ABL1: variants seen among roughly 807,000 people sequenced by gnomAD.
ABL1 encodes the protein tyrosine-protein kinase ABL1.
A neutral mutation model predicts 94.7 loss-of-function variants in ABL1; 11 were observed. The ratio of observed to expected loss-of-function variants is 0.12; its 90% CI spans 0.07 to 0.19. ABL1 has a LOEUF of 0.19. Among genes scored for constraint, ABL1 ranks in the 10% least tolerant of loss-of-function variants. ABL1 has a pLI of 1.00. For synonymous variants in ABL1, 656 were observed against 622.4 expected, an observed-to-expected ratio of 1.05 and a Z score of -0.80; for missense variants, 1,082 against 1,489.4, an observed-to-expected ratio of 0.73 and a Z score of 4.50.
At position 130,790,616 on chromosome 9, in the gene ABL1, A is replaced by G. The variant is rs151167330; in HGVS notation, c.137-63448A>G. ...CTCCTGAGTAGTTGGGACTACATTA[A>G]TTACCACACCTAGTATTTTTTTTTT... On this transcript the variant is annotated intron_variant, in intron 1 of 10. Transcript: ENST00000372348. 5.0e-3 allele frequency among the ~76,000 whole-genome samples: 762 copies of G among 151,684 alleles called. 21 individuals are homozygous for G. The East Asian group carries it at 0.075, about 15-fold the overall frequency.
In ABL1 at chr9:130,873,252, C is replaced by G. The variant is rs567308761; in HGVS notation, c.1085+215C>G. Among the ~76,000 whole-genome samples the G allele has an allele frequency of 4.8e-4, 73 of 152,370 alleles. No homozygotes were observed. The South Asian group carries it at 5.2e-3, about 11-fold the overall frequency. On this transcript the variant is annotated intron_variant, in intron 6 of 10. Transcript: ENST00000318560. ...GGCTAAATTCAGCCAGGCCTAGACT[C>G]TGGACCAGTGGAGCAGCTAATCCCC...
At chr9:130,791,969 G>A (rs1012870490) in intron 1 of ABL1, among the ~76,000 whole-genome samples, 1 of 152,052 alleles carries the variant, frequency 6.6e-6, no homozygotes, top group Admixed American at 6.6e-5. Context: ...CAAGAAGAAG[G>A]GAAATGACAC....
chr9:130,814,731 T>C lies in ABL1; in HGVS notation c.137-39333T>C, dbSNP rs1277020019. Among the ~76,000 whole-genome samples, 1 of 151,604 alleles carries C rather than the reference T, an allele frequency of 6.6e-6. No individual in the cohort carries two copies. The highest frequency in any genetic ancestry group is 2.1e-4 in the South Asian group (1 of 4,772). On this transcript the variant is annotated intron_variant, in intron 1 of 10. Transcript: ENST00000372348. This position sits in a 1 kb window ranked among gnomAD's most constrained non-coding sequence, Gnocchi z 4.4. ...TCTCCACTAAAAATACAAAAAATTC[T>C]CCGGGCGTGGTGGCGGGCGCCTGTA...
rs1352462700 is a variant in ABL1, at chr9:130,859,680, T to C, written c.550-3083T>C. 3.1e-4 allele frequency among the ~76,000 whole-genome samples: 30 copies of C among 96,556 alleles called. 5 individuals are homozygous for C. The highest frequency in any genetic ancestry group is 1.1e-3 in the African/African-American group (20 of 17,810). The allele number at this position is 96,556 out of a possible 152,430, so 63.3% of individuals were successfully genotyped here. On this transcript the variant is annotated intron_variant, in intron 3 of 10. Coordinates refer to ENST00000318560, the MANE Select transcript of ABL1 (RefSeq NM_005157.6). ...CGCTGTTTCTTTTCTTTCTTTCCTT[T>C]TTTTTTTTTTTTTTTTTTTTTTTTT... is the stretch of plus-strand genomic sequence containing the variant.
chr9:130,848,861 C>T (rs1028260173), intron 1 of ABL1, among the ~76,000 whole-genome samples: 2 of 152,114 alleles, frequency 1.3e-5, no homozygotes, highest in Non-Finnish European at 2.9e-5. Flanking sequence ...ATTGCTTGAA[C>T]CCGGAAGGTG....
intron 1 of ABL1, among the ~76,000 whole-genome samples, chr9:130,811,555 C>A (rs1830207768): frequency 6.6e-6 from 1 of 151,922 alleles, no homozygotes; most frequent in Admixed American, 6.6e-5. Flanking sequence ...TGTATAATGT[C>A]AATTGAAGGT....
chr9:130,786,545 G>A (rs1436463731), intron 1 of ABL1, among the ~76,000 whole-genome samples: 1 of 152,074 alleles, frequency 6.6e-6, no homozygotes, highest in East Asian at 1.9e-4. Context: ...TCTCCTGACT[G>A]GTACATCACC....
Position 130,863,912 on chromosome 9 carries a change from T to C in ABL1, c.822+877T>C, listed in dbSNP as rs1246717802. 1.3e-5 allele frequency among the ~76,000 whole-genome samples: 2 copies of C among 152,154 alleles called. No homozygotes were observed. Among genetic ancestry groups the C allele is most frequent in the Non-Finnish European group, 1.5e-5 (1 of 68,030 alleles). ...GAGCTGTTAGAAAAGAACTGAAACA[T>C]CCACCTCTGGGAAAAATAGAGTTTA... On this transcript the variant is annotated intron_variant, in intron 4 of 10. Transcript: ENST00000318560. The surrounding 1 kb of genome is among the most constrained non-coding windows in gnomAD (Gnocchi z 4.3).
In ABL1 at chr9:130,863,580, G is replaced by A. The variant is rs1216266040; in HGVS notation, c.822+545G>A. 1.3e-5 allele frequency among the ~76,000 whole-genome samples: 2 copies of A among 152,158 alleles called. No homozygotes were observed. Among genetic ancestry groups the A allele is most frequent in the Non-Finnish European group, 1.5e-5 (1 of 68,032 alleles). ...CGCTAGAAAGGCATCCAGGAAACTC[G>A]CTTTTGACCAACTCAGATACAGTCT... is the stretch of plus-strand genomic sequence containing the variant. On this transcript the variant is annotated intron_variant, in intron 4 of 10. Coordinates refer to ENST00000318560, the MANE Select transcript of ABL1 (RefSeq NM_005157.6). The surrounding 1 kb of genome is among the most constrained non-coding windows in gnomAD (Gnocchi z 4.3).
intron 1 of ABL1, among the ~76,000 whole-genome samples, chr9:130,829,687 T>C (rs559526967): frequency 6.6e-6 from 1 of 151,994 alleles, no homozygotes. Flanking sequence ...GATAGGTATA[T>C]AGAAGACTAA....
chr9:130,880,781 T>C lies in ABL1; in HGVS notation c.1678+117T>C. 1 of 1,277,810 alleles carries C rather than the reference T, an allele frequency of 7.8e-7. No individual in the cohort carries two copies. The highest frequency in any genetic ancestry group is 1.1e-6 in the Non-Finnish European group (1 of 944,872). The allele number at this position is 1,277,810 out of a possible 1,614,324, so 79.2% of individuals were successfully genotyped here. On this transcript the variant is annotated intron_variant, in intron 10 of 10. Coordinates refer to ENST00000318560, the MANE Select transcript of ABL1 (RefSeq NM_005157.6). This position sits in a 1 kb window ranked among gnomAD's most constrained non-coding sequence, Gnocchi z 4.4. ...TGGAGCCCGCACAGAAGGGCAGCCA[T>C]GGCCTTTGTCAATGGTTCAGCTTCG...
chr9:130,809,411 AGAGAGAGTGTGT>A (rs1172932806), intron 1 of ABL1, among the ~76,000 whole-genome samples: 25 of 116,872 alleles, frequency 2.1e-4, no homozygotes, highest in Non-Finnish European at 3.4e-4. Flanking sequence ...AGAGAGAGAG[AGAGAGAGTGTGT>A]GTGTGTGTGT....
At chr9:130,823,941 G>T (rs1290213905) in intron 1 of ABL1, among the ~76,000 whole-genome samples, 2 of 152,072 alleles carry the variant, frequency 1.3e-5, no homozygotes, top group East Asian at 3.8e-4. Flanking sequence ...TGCAATTGTT[G>T]GCCTAAGTGT....
At position 130,884,270 on chromosome 9, in the gene ABL1, A is replaced by G; in HGVS notation, c.1980A>G (p.Pro660=). The G allele has an allele frequency of 6.3e-7, 1 of 1,598,802 alleles. No homozygotes were observed. The highest frequency in any genetic ancestry group is 8.5e-7 in the Non-Finnish European group (1 of 1,173,030). The change falls in exon 11 of 11, where the codon CCA becomes CCG. Residue 660 remains proline, a synonymous_variant. Transcript: ENST00000318560. The surrounding 1 kb of genome is among the most constrained non-coding windows in gnomAD (Gnocchi z 5.6). The part of the protein sequence containing the change: ...PLDTADPAKS[P]KPSNGAGVPN... ...ACACAGCTGACCCAGCCAAGTCCCC[A>G]AAGCCCAGCAATGGGGCTGGGGTCC...
intron 1 of ABL1, among the ~76,000 whole-genome samples, chr9:130,850,398 T>A (rs543414382): frequency 6.6e-6 from 1 of 152,316 alleles, no homozygotes; most frequent in African/African-American, 2.4e-5. Context: ...TGGCTCTAAG[T>A]TCTCCCTCCA....
intron 1 of ABL1, among the ~76,000 whole-genome samples, chr9:130,733,942 C>T (rs1193771183): frequency 1.3e-5 from 2 of 152,018 alleles, no homozygotes; most frequent in African/African-American, 4.8e-5. Context: ...AGGCAGGATA[C>T]GCATTATTCC....
rs1022811167 is a variant in ABL1, at chr9:130,862,208, T to C, written c.550-555T>C. 1.3e-5 allele frequency among the ~76,000 whole-genome samples: 2 copies of C among 152,270 alleles called. No individual in the cohort carries two copies. The highest frequency in any genetic ancestry group is 4.8e-5 in the African/African-American group (2 of 41,474). ...ACCATGTGTTAATTTAATCAACAGT[T>C]ATTTATTGAGTACTTATTACATGTT... On this transcript the variant is annotated intron_variant, in intron 3 of 10. Coordinates refer to ENST00000318560, the MANE Select transcript of ABL1 (RefSeq NM_005157.6). The surrounding 1 kb of genome is among the most constrained non-coding windows in gnomAD (Gnocchi z 5.5).
Position 130,884,022 on chromosome 9 carries a change from G to A in ABL1, c.1732G>A (p.Gly578Ser), listed in dbSNP as rs1270998268. Reference sequence around the variant, plus strand: ...TCCATTGCTCCCTCGAAAAGAGCGAGGTCCCCCGGAGGGCGGCCTGAATGA... The same window carrying A: ...TCCATTGCTCCCTCGAAAAGAGCGAAGTCCCCCGGAGGGCGGCCTGAATGA... ...VSPLLPRKER[G>S]PPEGGLNEDE... The change falls in exon 11 of 11, where the codon GGT becomes AGT. Residue 578 changes from glycine to serine, a missense_variant. Gly to Ser is a moderately conservative substitution (Grantham distance 56). This residue lies in a region of ABL1 where 780 missense variants were observed against 835.8 expected (regional missense o/e 0.93). Transcript: ENST00000318560. The surrounding 1 kb of genome is among the most constrained non-coding windows in gnomAD (Gnocchi z 5.6). The A allele has an allele frequency of 6.2e-7, 1 of 1,613,842 alleles. No individual in the cohort carries two copies. The highest frequency in any genetic ancestry group is 1.7e-5 in the Admixed American group (1 of 60,028).
rs544587445 is a variant in ABL1, at chr9:130,847,897, C to A, written c.80-6167C>A. Among the ~76,000 whole-genome samples the A allele has an allele frequency of 8.5e-5, 13 of 152,300 alleles. No individual in the cohort carries two copies. In the East Asian group the frequency reaches 2.5e-3, roughly 29 times the overall value. On this transcript the variant is annotated intron_variant, in intron 1 of 10. Coordinates refer to ENST00000318560, the MANE Select transcript of ABL1 (RefSeq NM_005157.6). ...TTTAACCCACACTTCAAGTGGATGG[C>A]CACCTCTGGGCGGGGATCTGCATTC...
Sources: gnomAD v4.1 joint callset for allele counts (sites outside exome capture counted in the v4.1 genomes callset) on GRCh38, gnomAD v4.1.1 for gene constraint, gnomAD v4.1.1 regional missense constraint, Gnocchi (gnomAD v3.1) non-coding constraint, MANE v1.5 for transcripts, NCBI Gene and HGNC (gene_info 2026-07-23, HGNC 2026-07-21) for gene names.